The following ZFHX3 variants were observed in gnomAD, a reference collection of about 807,000 sequenced individuals.
ZFHX3 encodes the protein zinc finger homeobox 3, also known as zinc finger homeobox protein 3.
ZFHX3 carries 42 observed loss-of-function variants against 279.1 expected under a neutral mutation model. The ratio of observed to expected loss-of-function variants is 0.15; its 90% CI spans 0.12 to 0.19. The LOEUF (loss-of-function observed/expected upper bound fraction) is 0.19, where lower values mean the gene tolerates loss of function less well. ZFHX3 is among the 10% of genes least tolerant of loss of function. ZFHX3 has a pLI of 1.00. For missense variants in ZFHX3, 4,981 were observed against 4,754.0 expected (o/e 1.05, Z -1.40); for synonymous variants, 2,293 against 1,957.8 (o/e 1.17, Z -4.52).
chr16:73,237,528 CTTTTTTTT>C (rs886922274), intron 5 of ZFHX3, among the ~76,000 whole-genome samples: 18 of 84,144 alleles, frequency 2.1e-4, no homozygotes, highest in African/African-American at 7.9e-4. Flanking sequence ...CAAATGCAGC[CTTTTTTTT>C]TTTTTTTTTT....
chr16:72,994,371 G>C (rs1249905607), intron 1 of ZFHX3, among the ~76,000 whole-genome samples: 1 of 152,288 alleles, frequency 6.6e-6, no homozygotes, highest in East Asian at 1.9e-4. Context: ...ATTCTTGTCT[G>C]CCTCCTGGGA....
At chr16:73,601,469 C>A (rs28556628) in intron 2 of ZFHX3, among the ~76,000 whole-genome samples, 1,339 of 131,642 alleles carry the variant, frequency 0.01, 22 homozygotes, top group African/African-American at 0.038. Context: ...GACTCCATCT[C>A]AAAAAAAAAA....
rs557587928 is a variant in ZFHX3, at chr16:73,390,376, G to A, written c.-1291+65627C>T. ...TTCTGGAGGGCAGGAGCAGAGGCTT[G>A]CTGCTGTCTTTCTGGAGCAGCAGGC... is the stretch of plus-strand genomic sequence containing the variant. On this transcript the variant is annotated intron_variant, in intron 3 of 17. Transcript: ENST00000641206. Among the ~76,000 whole-genome samples the A allele has an allele frequency of 5.3e-4, 81 of 152,256 alleles. No homozygotes were observed. The South Asian group carries it at 0.016, about 30-fold the overall frequency.
intron 3 of ZFHX3, among the ~76,000 whole-genome samples, chr16:73,443,000 T>C (rs2018121208): frequency 6.6e-6 from 1 of 152,208 alleles, no homozygotes; most frequent in African/African-American, 2.4e-5. Flanking sequence ...ACACCAGTGA[T>C]ATTGGATTAG....
At chr16:73,294,403 T>C (rs1453635627) in intron 4 of ZFHX3, 1 of 152,202 alleles carries the variant, frequency 6.6e-6, no homozygotes, top group Non-Finnish European at 1.5e-5. Context: ...CATATTGAAG[T>C]TTTCTACAAA....
rs1269070875 is a variant in ZFHX3, at chr16:72,806,054, A to G, written c.3864+5523T>C. The stretch of plus-strand genomic sequence containing the variant: ...ACAGGTACACACCACCACTCTCAGC[A>G]ATTTTTTGTGTGTTTTGTTTTGTTG... On this transcript the variant is annotated intron_variant, in intron 7 of 9. Transcript: ENST00000268489. The G allele has an allele frequency of 2.0e-5, 3 of 152,264 alleles. No individual in the cohort carries two copies. In the East Asian group the frequency reaches 5.8e-4, roughly 29 times the overall value. 9.4% of individuals were successfully genotyped at this position (152,264 alleles called of 1,614,324 possible).
At chr16:73,430,237 G>A (rs560896918) in intron 3 of ZFHX3, among the ~76,000 whole-genome samples, 68 of 152,184 alleles carry the variant, frequency 4.5e-4, no homozygotes, top group Admixed American at 4.1e-3. Context: ...CTTGGCTTGA[G>A]GTTGCCAGGT....
intron 1 of ZFHX3, among the ~76,000 whole-genome samples, chr16:73,773,095 C>G (rs1198741415): frequency 6.6e-6 from 1 of 152,178 alleles, no homozygotes; most frequent in Non-Finnish European, 1.5e-5. Context: ...TGAAATTAAT[C>G]AGTAAATAAA....
intron 2 of ZFHX3, among the ~76,000 whole-genome samples, chr16:73,506,548 A>G (rs1005864040): frequency 2.6e-5 from 4 of 152,210 alleles, no homozygotes; most frequent in Non-Finnish European, 4.4e-5. Flanking sequence ...TCTACTCTGT[A>G]AGACCAGAGC....
intron 4 of ZFHX3, among the ~76,000 whole-genome samples, chr16:73,284,222 C>A (rs774305424): frequency 7.1e-6 from 1 of 141,158 alleles, no homozygotes; most frequent in African/African-American, 2.6e-5. Flanking sequence ...GAGGCTAAGG[C>A]GGGAGAACTG....
At chr16:72,926,155 T>G (rs944265613) in intron 3 of ZFHX3, among the ~76,000 whole-genome samples, 1 of 152,222 alleles carries the variant, frequency 6.6e-6, no homozygotes, top group Admixed American at 6.5e-5. Context: ...GGAATAATGT[T>G]GTTATGGGTC....
At chr16:73,562,018 C>T (rs755369364) in intron 2 of ZFHX3, among the ~76,000 whole-genome samples, 2 of 152,176 alleles carry the variant, frequency 1.3e-5, no homozygotes, top group Non-Finnish European at 2.9e-5. Flanking sequence ...TAAAAATCTA[C>T]AGAGTAACTC....
rs1290954242 is a variant in ZFHX3, at chr16:73,671,153, C to G, written c.-1547+9027G>C. On this transcript the variant is annotated intron_variant, in intron 2 of 17. Coordinates refer to the ZFHX3 transcript ENST00000641206. Reference sequence around the variant, plus strand: ...ATGAATCATAAATCAAATGGGAACCCTTTTGCAGTTCGCAGATTTCCAAGA... The same window carrying G: ...ATGAATCATAAATCAAATGGGAACCGTTTTGCAGTTCGCAGATTTCCAAGA... 2.0e-5 allele frequency among the ~76,000 whole-genome samples: 3 copies of G among 152,212 alleles called. No homozygotes were observed. The East Asian group carries it at 5.8e-4, about 29-fold the overall frequency.
At chr16:72,817,584 G>A (rs759668875) in intron 5 of ZFHX3, among the ~76,000 whole-genome samples, 4 of 152,130 alleles carry the variant, frequency 2.6e-5, no homozygotes, top group Admixed American at 6.5e-5. Flanking sequence ...ACACCAGTGC[G>A]CTGTTGGCAT....
chr16:72,893,392 G>C (rs545502148), intron 3 of ZFHX3, among the ~76,000 whole-genome samples: 3 of 152,192 alleles, frequency 2.0e-5, no homozygotes, highest in African/African-American at 7.2e-5. Context: ...AATGGCTGGA[G>C]TCTTCAATCT....
intron 2 of ZFHX3, among the ~76,000 whole-genome samples, chr16:73,541,936 G>C (rs1035734443): frequency 6.6e-6 from 1 of 151,528 alleles, no homozygotes; most frequent in Non-Finnish European, 1.5e-5. Flanking sequence ...TGAGTAGCTA[G>C]GACTATAGGC....
At chr16:73,340,491 G>C (rs1440433015) in intron 3 of ZFHX3, among the ~76,000 whole-genome samples, 4 of 152,188 alleles carry the variant, frequency 2.6e-5, no homozygotes, top group African/African-American at 9.7e-5. Context: ...TGAGTAGCTG[G>C]GATTATAGGT....
intron 2 of ZFHX3, among the ~76,000 whole-genome samples, chr16:73,474,963 C>T (rs931760871): frequency 1.3e-5 from 2 of 152,128 alleles, no homozygotes; most frequent in East Asian, 1.9e-4. Context: ...TGGGTAATTG[C>T]CACCAGAGGG....
chr16:73,466,866 G>T (rs1176368837), intron 2 of ZFHX3, among the ~76,000 whole-genome samples: 2 of 152,180 alleles, frequency 1.3e-5, no homozygotes, highest in Non-Finnish European at 2.9e-5. Flanking sequence ...GGAGACTGGG[G>T]CTTTGATGAG....
Sources: gnomAD v4.1 joint callset for allele counts (sites outside exome capture counted in the v4.1 genomes callset) on GRCh38, gnomAD v4.1.1 for gene constraint, MANE v1.5 for transcripts, NCBI Gene and HGNC (gene_info 2026-07-23, HGNC 2026-07-21) for gene names.